Variants in TBC1D22A observed in about 807,000 individuals in gnomAD.
TBC1D22A encodes the protein TBC1 domain family member 22A.
A neutral mutation model predicts 60.2 loss-of-function variants in TBC1D22A; 38 were observed. That is an observed-to-expected ratio of 0.63 (90% confidence interval 0.49 to 0.83). The LOEUF (loss-of-function observed/expected upper bound fraction) is 0.83, where lower values mean the gene tolerates loss of function less well. TBC1D22A is among the 40% of genes least tolerant of loss of function. The pLI is 0.00. For missense variants in TBC1D22A, 628 were observed against 701.0 expected (o/e 0.90, Z 1.18); for synonymous variants, 302 against 281.7 (o/e 1.07, Z -0.72).
At chr22:46,772,898 G>A (rs1339392550) in intron 1 of TBC1D22A, among the ~76,000 whole-genome samples, 2 of 152,112 alleles carry the variant, frequency 1.3e-5, no homozygotes, top group South Asian at 4.1e-4. Flanking sequence ...AAAGTGCAGG[G>A]ATTGCAGGCA....
chr22:46,977,648 G>C (rs1017985896), intron 9 of TBC1D22A, among the ~76,000 whole-genome samples: 1 of 152,218 alleles, frequency 6.6e-6, no homozygotes, highest in African/African-American at 2.4e-5. Context: ...TATAGAGAAA[G>C]AGGTTTAATT....
At chr22:47,081,338 G>A (rs2064460644) in intron 11 of TBC1D22A, among the ~76,000 whole-genome samples, 1 of 152,132 alleles carries the variant, frequency 6.6e-6, no homozygotes, top group Non-Finnish European at 1.5e-5. Context: ...GGAGTAGAAG[G>A]GCACTTCCGT....
intron 4 of TBC1D22A, among the ~76,000 whole-genome samples, chr22:46,844,610 A>G (rs1056894381): frequency 2.0e-5 from 3 of 152,164 alleles, no homozygotes; most frequent in Non-Finnish European, 4.4e-5. Context: ...GCACAGCCAG[A>G]GTGAACCAGG....
At chr22:46,806,341 ATTT>A (rs34490073) in intron 4 of TBC1D22A, among the ~76,000 whole-genome samples, 2 of 132,590 alleles carry the variant, frequency 1.5e-5, no homozygotes, top group Non-Finnish European at 1.6e-5. Context: ...CTCTGTTCTG[ATTT>A]TTTTTTTTTT....
intron 12 of TBC1D22A, among the ~76,000 whole-genome samples, chr22:47,127,211 CT>C (rs997475587): frequency 1.1e-4 from 16 of 143,526 alleles, no homozygotes; most frequent in Non-Finnish European, 2.3e-4. Context: ...TTGTCTTTAT[CT>C]TTTTTTTTCT....
At chr22:46,969,313 C>T (rs1177056305) in intron 8 of TBC1D22A, among the ~76,000 whole-genome samples, 12 of 152,158 alleles carry the variant, frequency 7.9e-5, no homozygotes, top group African/African-American at 1.4e-4. Context: ...CCGCCCCACT[C>T]CCCCCACCTT....
At chr22:47,160,317 G>A (rs574537715) in intron 12 of TBC1D22A, among the ~76,000 whole-genome samples, 1 of 152,340 alleles carries the variant, frequency 6.6e-6, no homozygotes, top group African/African-American at 2.4e-5. Flanking sequence ...CCGTGTGAGG[G>A]GCCCTCCCTT....
At chr22:47,060,455 G>A (rs1316740271) in intron 11 of TBC1D22A, among the ~76,000 whole-genome samples, 3 of 151,820 alleles carry the variant, frequency 2.0e-5, no homozygotes, top group Admixed American at 1.3e-4. Flanking sequence ...TTCTGAGATG[G>A]AGTCTCGCTC....
chr22:46,797,673 A>G lies in TBC1D22A; in HGVS notation c.637+53A>G, dbSNP rs1485677937. The G allele has an allele frequency of 5.3e-6, 8 of 1,511,424 alleles. No homozygotes were observed. In the Admixed American group the frequency reaches 1.9e-4, roughly 36 times the overall value. 93.6% of individuals were successfully genotyped at this position (1,511,424 alleles called of 1,614,324 possible). ...ACACAGACATTTCTTGCTGTTTCTG[A>G]AATAGATCACATCTTAAAGGATTCT... On this transcript the variant is annotated intron_variant, in intron 4 of 12. Coordinates refer to ENST00000337137, the MANE Select transcript of TBC1D22A (RefSeq NM_014346.5).
At chr22:46,791,815 C>T (rs774552403) in intron 1 of TBC1D22A, among the ~76,000 whole-genome samples, 1 of 152,228 alleles carries the variant, frequency 6.6e-6, no homozygotes, top group Non-Finnish European at 1.5e-5. Flanking sequence ...GGCTGCAGTG[C>T]AGTGGCACGA....
At chr22:46,798,609 G>A (rs1050796631) in intron 4 of TBC1D22A, among the ~76,000 whole-genome samples, 1 of 152,254 alleles carries the variant, frequency 6.6e-6, no homozygotes, top group Non-Finnish European at 1.5e-5. Flanking sequence ...TCTTTGTGGA[G>A]TGCCACTCTG....
intron 4 of TBC1D22A, among the ~76,000 whole-genome samples, chr22:46,842,752 AC>A (rs888773419): frequency 6.6e-6 from 1 of 152,226 alleles, no homozygotes; most frequent in Non-Finnish European, 1.5e-5. Context: ...CTGTGTAGCC[AC>A]GCCCAGCGGG....
chr22:46,892,227 G>A lies in TBC1D22A; in HGVS notation c.837+833G>A, dbSNP rs190633451. ...TCTGCAAACCCTGCTTCTAGGTGATGGAGCTTTGCCACATTTTCTCTTTCA... is the reference window on the plus strand; with the variant it reads ...TCTGCAAACCCTGCTTCTAGGTGATAGAGCTTTGCCACATTTTCTCTTTCA... On this transcript the variant is annotated intron_variant, in intron 6 of 12. Coordinates refer to ENST00000337137, the MANE Select transcript of TBC1D22A (RefSeq NM_014346.5). 3.9e-5 allele frequency among the ~76,000 whole-genome samples: 6 copies of A among 152,024 alleles called. No homozygotes were observed. In the East Asian group the frequency reaches 1.2e-3, roughly 29 times the overall value.
At chr22:46,774,852 C>G (rs2083635473) in intron 1 of TBC1D22A, among the ~76,000 whole-genome samples, 2 of 151,640 alleles carry the variant, frequency 1.3e-5, no homozygotes, top group South Asian at 2.1e-4. Flanking sequence ...CCGCCATCCT[C>G]TTCCTTCTCA....
intron 4 of TBC1D22A, among the ~76,000 whole-genome samples, chr22:46,806,041 C>T (rs377103783): frequency 4.0e-5 from 6 of 151,704 alleles, no homozygotes; most frequent in South Asian, 2.1e-4. Flanking sequence ...TTAGTAGAGA[C>T]GGGGTTTCAC....
chr22:47,145,012 C>T (rs968045825), intron 12 of TBC1D22A, among the ~76,000 whole-genome samples: 3 of 152,262 alleles, frequency 2.0e-5, no homozygotes, highest in African/African-American at 7.2e-5. Context: ...TCGGAACTAC[C>T]TTGGTAATGG....
chr22:47,087,839 G>T (rs1027119368), intron 11 of TBC1D22A, among the ~76,000 whole-genome samples: 1 of 152,100 alleles, frequency 6.6e-6, no homozygotes, highest in African/African-American at 2.4e-5. Context: ...ACTTTAGAAG[G>T]CTGAGGCGGG....
intron 11 of TBC1D22A, among the ~76,000 whole-genome samples, chr22:47,042,801 C>T (rs1357149693): frequency 1.3e-5 from 2 of 152,186 alleles, no homozygotes; most frequent in Non-Finnish European, 2.9e-5. Flanking sequence ...GCCGCTGGTG[C>T]ATCATCATGG....
chr22:47,041,464 G>T (rs1276768898), intron 11 of TBC1D22A, among the ~76,000 whole-genome samples: 1 of 152,240 alleles, frequency 6.6e-6, no homozygotes, highest in Middle Eastern at 3.2e-3. Flanking sequence ...GCTGCGGAGG[G>T]ACTGGAGTGT....
Sources: gnomAD v4.1 joint callset for allele counts (sites outside exome capture counted in the v4.1 genomes callset) on GRCh38, gnomAD v4.1.1 for gene constraint, MANE v1.5 for transcripts, NCBI Gene and HGNC (gene_info 2026-07-23, HGNC 2026-07-21) for gene names.